ODF2: variants seen among roughly 807,000 people sequenced by gnomAD.
ODF2 encodes outer dense fiber protein 2.
In ODF2, 47 loss-of-function variants were observed where a neutral mutation model predicts 110.2. That is an observed-to-expected ratio of 0.43 (90% CI 0.34 to 0.54). The LOEUF (loss-of-function observed/expected upper bound fraction) is 0.54, where lower values mean the gene tolerates loss of function less well. Ranked by LOEUF, ODF2 falls within the 20% of genes least tolerant of loss-of-function variation. ODF2 has a pLI of 0.03. For missense variants in ODF2, 812 were observed against 1,054.5 expected (o/e 0.77, Z 3.19); for synonymous variants, 352 against 397.7 (o/e 0.89, Z 1.37).
intron 16 of ODF2, 144 bp downstream of exon 16, chr9:128,492,949 C>T (rs1213453219): frequency 1.3e-5 from 8 of 635,878 alleles, no homozygotes; most frequent in Admixed American, 2.7e-5. Context: ...TGGGCTCATC[C>T]ACTCTACCCT....
chr9:128,500,575 C>T (rs1589029278), downstream of ODF2: 3 of 244,590 alleles, frequency 1.2e-5, no homozygotes, highest in East Asian at 2.6e-4. Flanking sequence ...AATATTTCCA[C>T]TGGATTTTTT....
exon 6 of ODF2, chr9:128,471,363 A>G: frequency 6.2e-7 from 1 of 1,613,500 alleles, no homozygotes; most frequent in South Asian, 1.1e-5. Flanking sequence ...GAGGAACGGA[A>G]GGAAGAGCTG....
At chr9:128,460,891 A>G (rs1836271679) in intron 3 of ODF2, 51 bp from the exon 4 acceptor site, 3 of 1,612,802 alleles carry the variant, frequency 1.9e-6, no homozygotes, top group Non-Finnish European at 2.5e-6. Flanking sequence ...CTAGCGTGGC[A>G]CCGTGGCCAG....
At chr9:128,456,785 C>T in intron 1 of ODF2, 3 of 1,322,336 alleles carry the variant, frequency 2.3e-6, no homozygotes, top group South Asian at 1.7e-5. Flanking sequence ...CGCCCCCTCC[C>T]AGCCCGGCGT....
chr9:128,468,244 A>C (rs2131659558), intron 4 of ODF2, among the ~76,000 whole-genome samples: 1 of 152,272 alleles, frequency 6.6e-6, no homozygotes, highest in African/African-American at 2.4e-5. Flanking sequence ...ATTCATATTC[A>C]TTTAAAAGAC....
chr9:128,495,472 C>A (rs1348579076), intron 17 of ODF2, among the ~76,000 whole-genome samples: 1 of 152,236 alleles, frequency 6.6e-6, no homozygotes, highest in African/African-American at 2.4e-5. Context: ...ATTCTCAGTA[C>A]TGTAACCTTA....
chr9:128,456,819 G>C (rs932583779), intron 1 of ODF2: 29 of 1,311,238 alleles, frequency 2.2e-5, no homozygotes, highest in African/African-American at 4.7e-5. Flanking sequence ...AACTCTGTTC[G>C]GTTTTCCCTC....
intron 14 of ODF2, among the ~76,000 whole-genome samples, chr9:128,491,378 C>T (rs1033717004): frequency 8.0e-5 from 12 of 150,756 alleles, no homozygotes; most frequent in African/African-American, 2.9e-4. Context: ...TGTGTTACAG[C>T]TAGATGTGGT....
At chr9:128,483,519 G>T (rs1165504838) in intron 10 of ODF2, among the ~76,000 whole-genome samples, 1 of 151,482 alleles carries the variant, frequency 6.6e-6, no homozygotes, top group Non-Finnish European at 1.5e-5. Flanking sequence ...GGAGACTGAG[G>T]CTGCAATGAG....
intron 4 of ODF2, among the ~76,000 whole-genome samples, chr9:128,466,996 AAAAAAAAAAAAAAAAAAAATATAT>A (rs1216500398): frequency 5.0e-5 from 3 of 59,846 alleles, no homozygotes; most frequent in African/African-American, 2.4e-4. Context: ...AAAAAAAAAA[AAAAAAAAAAAAAAAAAAAATATAT>A]ATATATATAT....
rs1018058538 is a variant in ODF2, at chr9:128,498,706, T to C, written c.2175+131T>C. ...TCATGAATTAGTTGTAAGGATCACA[T>C]TTTCATCGTAGAGGGCTCAGCACTT... On this transcript the variant is annotated intron_variant, in intron 19 of 20. Transcript: ENST00000604420. The C allele has an allele frequency of 8.1e-5, 53 of 652,876 alleles. No individual in the cohort carries two copies. In the African/African-American group the frequency reaches 8.6e-4, roughly 11 times the overall value. 40.4% of individuals were successfully genotyped at this position (652,876 alleles called of 1,614,324 possible). A position where few individuals can be genotyped will look rare whatever the true frequency, so the allele number is the denominator to read the frequency against.
At chr9:128,476,676 C>T (rs1382928435) in intron 8 of ODF2, among the ~76,000 whole-genome samples, 17 of 147,232 alleles carry the variant, frequency 1.2e-4, no homozygotes, top group Non-Finnish European at 1.6e-4. Context: ...CTTGCTCTGT[C>T]GCCCAGGCTA....
chr9:128,474,270 G>A (rs1840739461), intron 8 of ODF2, among the ~76,000 whole-genome samples: 1 of 151,922 alleles, frequency 6.6e-6, no homozygotes, highest in Non-Finnish European at 1.5e-5. Flanking sequence ...CGAGGAGGGT[G>A]GATCACGAGG....
intron 13 of ODF2, among the ~76,000 whole-genome samples, chr9:128,486,929 C>T (rs762958529): frequency 3.9e-5 from 6 of 152,134 alleles, no homozygotes; most frequent in Admixed American, 6.5e-5. Context: ...ATTCCAGAAG[C>T]GTCTGTCCTA....
chr9:128,474,052 A>T (rs942761733), intron 8 of ODF2, among the ~76,000 whole-genome samples: 2 of 152,140 alleles, frequency 1.3e-5, no homozygotes, highest in African/African-American at 4.8e-5. Context: ...GTTCAGTAAG[A>T]GAATGATTAA....
At position 128,487,948 on chromosome 9, in the gene ODF2, C is replaced by T. The variant is rs751497156; in HGVS notation, c.1459C>T (p.Arg487Trp). ...CCTGGAGGAGAAGATGCGGGAAGAC[C>T]GGGATAGCCTGGTGGAGAGACTACA... Residue 487 changes from arginine to tryptophan, a missense_variant, in exon 14 of 21, where the codon CGG becomes TGG. Arg to Trp is a moderately radical substitution (Grantham distance 101). Around this residue, in one of 5 missense-constraint regions of ODF2, gnomAD observed 165 missense variants for 293.4 expected, o/e 0.56. Transcript: ENST00000604420. The T allele has an allele frequency of 5.6e-6, 9 of 1,613,930 alleles. No homozygotes were observed. Among genetic ancestry groups the T allele is most frequent in the South Asian group, 1.1e-5 (1 of 91,066 alleles).
At chr9:128,489,081 C>T (rs1302199601) in intron 14 of ODF2, among the ~76,000 whole-genome samples, 1 of 152,112 alleles carries the variant, frequency 6.6e-6, no homozygotes, top group Non-Finnish European at 1.5e-5. Flanking sequence ...AAGATTTTGC[C>T]CTAGGAAGTA....
At chr9:128,471,231 C>G (rs994219382) in intron 5 of ODF2, 77 bp from the exon 6 acceptor site, 9 of 1,446,578 alleles carry the variant, frequency 6.2e-6, no homozygotes, top group Non-Finnish European at 8.3e-6. Context: ...TATTTTGGTC[C>G]AAAGCATTGA....
chr9:128,495,018 T>C (rs1845343345), intron 17 of ODF2, among the ~76,000 whole-genome samples: 1 of 152,222 alleles, frequency 6.6e-6, no homozygotes, highest in Non-Finnish European at 1.5e-5. Flanking sequence ...AGAATTTCTT[T>C]TTTTCTCTTG....
Sources: gnomAD v4.1 joint callset for allele counts (sites outside exome capture counted in the v4.1 genomes callset) on GRCh38, gnomAD v4.1.1 for gene constraint, gnomAD v4.1.1 regional missense constraint, MANE v1.5 for transcripts, NCBI Gene and HGNC (gene_info 2026-07-23, HGNC 2026-07-21) for gene names.